RBFOX1: variants seen among roughly 807,000 people sequenced by gnomAD.
RBFOX1 encodes RNA binding fox-1 homolog 1.
In RBFOX1, 8 loss-of-function variants were observed where a neutral mutation model predicts 57.7. That is an observed-to-expected ratio of 0.14 (90% confidence interval 0.08 to 0.25). The LOEUF (loss-of-function observed/expected upper bound fraction) is 0.25, where lower values mean the gene tolerates loss of function less well. Among genes scored for constraint, RBFOX1 ranks in the 10% least tolerant of loss-of-function variants. RBFOX1 has a pLI of 1.00. For missense variants in RBFOX1, 611 were observed against 548.5 expected, an observed-to-expected ratio of 1.11 and a Z score of -1.14; for synonymous variants, 326 against 222.4, an observed-to-expected ratio of 1.47 and a Z score of -4.15.
intron 4 of RBFOX1, among the ~76,000 whole-genome samples, chr16:7,430,838 A>G (rs1337664745): frequency 1.3e-5 from 2 of 152,222 alleles, no homozygotes; most frequent in Non-Finnish European, 2.9e-5. Flanking sequence ...AAGCATCCTT[A>G]TTCATAGGAA....
chr16:6,522,531 G>A (rs1243923497), intron 2 of RBFOX1, among the ~76,000 whole-genome samples: 1 of 152,158 alleles, frequency 6.6e-6, no homozygotes, highest in African/African-American at 2.4e-5. Flanking sequence ...CATAAGGAAA[G>A]CAATTCTGGA....
At chr16:6,631,000 C>T (rs934800907) in intron 2 of RBFOX1, among the ~76,000 whole-genome samples, 2 of 152,078 alleles carry the variant, frequency 1.3e-5, no homozygotes, top group Non-Finnish European at 2.9e-5. Flanking sequence ...ATACTTGGAC[C>T]TAACTCCTTG....
chr16:6,483,472 G>A lies in RBFOX1; in HGVS notation c.-64+166415G>A, dbSNP rs867951400. 60 of 1,535,634 alleles carry A rather than the reference G, an allele frequency of 3.9e-5. No homozygotes were observed. The Middle Eastern group carries it at 5.0e-4, about 13-fold the overall frequency. ...CTCCCGTGCTGTGTTTTCCCGGTGA[G>A]GAAACAGGAGGCACTTTGCAGCCGA... On this transcript the variant is annotated intron_variant, in intron 2 of 15. Transcript: ENST00000550418.
At chr16:6,598,367 A>G (rs1455639570) in intron 2 of RBFOX1, among the ~76,000 whole-genome samples, 2 of 152,168 alleles carry the variant, frequency 1.3e-5, no homozygotes, top group African/African-American at 4.8e-5. Context: ...ATACTCTCCT[A>G]TTAGTAGATG....
intron 3 of RBFOX1, among the ~76,000 whole-genome samples, chr16:6,714,249 A>G (rs1039845285): frequency 1.1e-4 from 16 of 152,148 alleles, no homozygotes; most frequent in East Asian, 1.9e-4. Flanking sequence ...CTGTGAGTCA[A>G]TTAAACCTCT....
downstream of RBFOX1, among the ~76,000 whole-genome samples, chr16:5,602,866 G>T (rs1047478900): frequency 2.0e-5 from 3 of 152,114 alleles, no homozygotes; most frequent in Non-Finnish European, 4.4e-5. Flanking sequence ...ATGAAATTAA[G>T]CAGTGTGTTC....
chr16:6,905,574 T>C (rs2069658589), intron 3 of RBFOX1, among the ~76,000 whole-genome samples: 3 of 149,520 alleles, frequency 2.0e-5, no homozygotes, highest in South Asian at 4.2e-4. Flanking sequence ...AAAGTGTAGA[T>C]GTTTGGTTAC....
chr16:6,506,678 C>T (rs2096102666), intron 2 of RBFOX1, among the ~76,000 whole-genome samples: 1 of 106,174 alleles, frequency 9.4e-6, no homozygotes, highest in East Asian at 3.3e-4. Context: ...GATGGAGTCT[C>T]GCTTTGTCTC....
chr16:6,848,419 A>G (rs959991841), intron 3 of RBFOX1, among the ~76,000 whole-genome samples: 33 of 152,184 alleles, frequency 2.2e-4, no homozygotes, highest in African/African-American at 7.5e-4. Context: ...TTGCATGCCA[A>G]ACAAACACTT....
At chr16:5,915,332 T>C (rs2058682205) in intron 4 of RBFOX1, among the ~76,000 whole-genome samples, 1 of 152,192 alleles carries the variant, frequency 6.6e-6, no homozygotes, top group Non-Finnish European at 1.5e-5. Context: ...GGCTATTGCA[T>C]CCTTTCCATA....
At chr16:6,209,559 A>G (rs1744363758) in intron 1 of RBFOX1, among the ~76,000 whole-genome samples, 1 of 152,176 alleles carries the variant, frequency 6.6e-6, no homozygotes, top group Non-Finnish European at 1.5e-5. Flanking sequence ...AAGCAGTAAA[A>G]ACTCTGACCA....
At chr16:5,437,400 C>T (rs2067949892) in intron 1 of RBFOX1, among the ~76,000 whole-genome samples, 1 of 152,212 alleles carries the variant, frequency 6.6e-6, no homozygotes, top group East Asian at 1.9e-4. Context: ...AGACCTTGAA[C>T]CAGAGACTCT....
intron 3 of RBFOX1, among the ~76,000 whole-genome samples, chr16:6,862,229 T>C (rs778213398): frequency 7.9e-5 from 12 of 152,156 alleles, no homozygotes; most frequent in African/African-American, 1.4e-4. Context: ...TAGAGAGTTA[T>C]TGCACATAAG....
chr16:6,789,706 C>T (rs1055347524), intron 3 of RBFOX1, among the ~76,000 whole-genome samples: 4 of 152,076 alleles, frequency 2.6e-5, no homozygotes, highest in Admixed American at 6.6e-5. Context: ...TCATTTTCTC[C>T]ATGTCTTCGA....
chr16:5,835,782 TATTC>T (rs1368844121), intron 3 of RBFOX1, among the ~76,000 whole-genome samples: 4 of 152,248 alleles, frequency 2.6e-5, no homozygotes, highest in African/African-American at 9.6e-5. Flanking sequence ...TCTGATTACT[TATTC>T]ATCTTCTTCT....
At chr16:7,156,019 A>C (rs959449700) in intron 4 of RBFOX1, among the ~76,000 whole-genome samples, 2 of 151,906 alleles carry the variant, frequency 1.3e-5, no homozygotes, top group African/African-American at 2.4e-5. Flanking sequence ...ACACACTCAC[A>C]CATACACACA....
At chr16:7,621,902 G>A (rs1185845647) in intron 10 of RBFOX1, among the ~76,000 whole-genome samples, 7 of 152,176 alleles carry the variant, frequency 4.6e-5, no homozygotes, top group Non-Finnish European at 1.0e-4. Context: ...CATTTTAGCA[G>A]AAAAGCAGCC....
chr16:7,648,305 C>T (rs945364353), intron 11 of RBFOX1, among the ~76,000 whole-genome samples: 1 of 152,252 alleles, frequency 6.6e-6, no homozygotes, highest in African/African-American at 2.4e-5. Flanking sequence ...CTGCAACCTC[C>T]TCTACCTCTC....
intron 1 of RBFOX1, among the ~76,000 whole-genome samples, chr16:5,419,532 C>T (rs1185581370): frequency 6.6e-6 from 1 of 151,978 alleles, no homozygotes; most frequent in Non-Finnish European, 1.5e-5. Flanking sequence ...TGGTGACACC[C>T]TCATAGACAC....
Sources: gnomAD v4.1 joint callset for allele counts (sites outside exome capture counted in the v4.1 genomes callset) on GRCh38, gnomAD v4.1.1 for gene constraint, MANE v1.5 for transcripts, NCBI Gene and HGNC (gene_info 2026-07-23, HGNC 2026-07-21) for gene names.